CFAP97D2: variants seen among roughly 807,000 people sequenced by gnomAD.
CFAP97D2 encodes CFAP97 domain containing 2.
intron 3 of CFAP97D2, among the ~76,000 whole-genome samples, chr13:114,210,891 C>CACACAT (rs71105250): frequency 6.6e-6 from 1 of 151,028 alleles, no homozygotes; most frequent in Non-Finnish European, 1.5e-5. Flanking sequence ...CACACACACA[C>CACACAT]TTTAATGGCT....
At chr13:114,222,669 C>T (rs9562161), downstream of CFAP97D2, 25,338 of 393,286 alleles carry the variant, frequency 0.064, 2,967 homozygotes, top group East Asian at 0.42. This position sits in a 1 kb window ranked among gnomAD's most constrained non-coding sequence, Gnocchi z 4.4. Context: ...ACACAGCCAG[C>T]GGTCTCAGGG....
chr13:114,183,315 T>A (rs2080843759), intron 1 of CFAP97D2, among the ~76,000 whole-genome samples: 1 of 152,100 alleles, frequency 6.6e-6, no homozygotes, highest in Admixed American at 6.6e-5. Flanking sequence ...TACAGTCGCG[T>A]GCCACCATGC....
At chr13:114,209,873 T>C (rs2080959337) in intron 3 of CFAP97D2, among the ~76,000 whole-genome samples, 1 of 152,228 alleles carries the variant, frequency 6.6e-6, no homozygotes, top group African/African-American at 2.4e-5. Context: ...AGGTACTCAG[T>C]AAATATTTGT....
At chr13:114,197,808 G>A (rs1008216846) in intron 2 of CFAP97D2, among the ~76,000 whole-genome samples, 2 of 144,088 alleles carry the variant, frequency 1.4e-5, no homozygotes, top group Non-Finnish European at 1.5e-5. Flanking sequence ...TCAGCCTGCC[G>A]AGTAGCTGGG....
At chr13:114,195,864 A>G (rs9525192) in intron 1 of CFAP97D2, among the ~76,000 whole-genome samples, 95,130 of 150,274 alleles carry the variant, frequency 0.63, 31,721 homozygotes, top group African/African-American at 0.86. Context: ...AAGGTCAGAA[A>G]ATCGAGACCA....
chr13:114,182,336 G>A (rs1472129237), intron 1 of CFAP97D2, among the ~76,000 whole-genome samples: 1 of 152,180 alleles, frequency 6.6e-6, no homozygotes, highest in African/African-American at 2.4e-5. Context: ...CCATAGGGCT[G>A]TTTTTCTCCT....
chr13:114,196,525 G>GCTAA, intron 2 of CFAP97D2, 49 bp downstream of exon 2: 1 of 398,768 alleles, frequency 2.5e-6, no homozygotes, highest in Non-Finnish European at 4.4e-6. Context: ...ACTAGAAAAT[G>GCTAA]CCAGCTTAAA....
chr13:114,204,204 A>G (rs1349674655), intron 3 of CFAP97D2, among the ~76,000 whole-genome samples: 1 of 152,190 alleles, frequency 6.6e-6, no homozygotes, highest in Non-Finnish European at 1.5e-5. Context: ...TGGGGATTTT[A>G]TAGGGTGGCA....
Position 114,211,259 on chromosome 13 carries a change from C to T in CFAP97D2, c.291-653C>T, listed in dbSNP as rs1184251527. 1.3e-5 allele frequency among the ~76,000 whole-genome samples: 2 copies of T among 152,166 alleles called. No homozygotes were observed. Among genetic ancestry groups the T allele is most frequent in the Non-Finnish European group, 2.9e-5 (2 of 68,012 alleles). ...ATGCAGCCTCCTGAACAGGTTTCACCGGTCCCATCTCACCACTGCAGTGGG... is the reference window on the plus strand; with the variant it reads ...ATGCAGCCTCCTGAACAGGTTTCACTGGTCCCATCTCACCACTGCAGTGGG... On this transcript the variant is annotated intron_variant, in intron 3 of 4. Coordinates refer to ENST00000646158, the Ensembl canonical transcript of CFAP97D2. This position sits in a 1 kb window ranked among gnomAD's most constrained non-coding sequence, Gnocchi z 4.2.
intron 1 of CFAP97D2, among the ~76,000 whole-genome samples, chr13:114,183,655 C>A (rs1485379017): frequency 6.6e-6 from 1 of 152,094 alleles, no homozygotes; most frequent in Non-Finnish European, 1.5e-5. Flanking sequence ...CTTTACATGG[C>A]ATAAGAGATG....
chr13:114,200,723 G>C (rs1283996457), intron 3 of CFAP97D2, among the ~76,000 whole-genome samples: 5 of 152,236 alleles, frequency 3.3e-5, no homozygotes, highest in Non-Finnish European at 7.3e-5. Flanking sequence ...CCTGCTAAGC[G>C]CTTGACTCAG....
At chr13:114,204,181 G>T (rs777948598) in intron 3 of CFAP97D2, among the ~76,000 whole-genome samples, 1 of 152,216 alleles carries the variant, frequency 6.6e-6, no homozygotes, top group African/African-American at 2.4e-5. Context: ...ACTATGAGGA[G>T]ACCAAGGCTT....
rs2080967840 is a variant in CFAP97D2, at chr13:114,211,850, G to C, written c.291-62G>C. 2.5e-6 allele frequency: 1 copy of C among 398,254 alleles called. No individual in the cohort carries two copies. Among genetic ancestry groups the C allele is most frequent in the African/African-American group, 2.1e-5 (1 of 48,656 alleles). 24.7% of individuals were successfully genotyped at this position (398,254 alleles called of 1,614,324 possible). On this transcript the variant is annotated intron_variant, in intron 3 of 4. Coordinates refer to ENST00000646158, the Ensembl canonical transcript of CFAP97D2. This position sits in a 1 kb window ranked among gnomAD's most constrained non-coding sequence, Gnocchi z 4.2. ...TCCTGCTCTGGAGCCTGTTGGCCCT[G>C]TGGAGGGAATGGCAGCCTTAATAAA...
chr13:114,198,237 T>G (rs2080896025), intron 2 of CFAP97D2, among the ~76,000 whole-genome samples: 1 of 152,124 alleles, frequency 6.6e-6, no homozygotes, highest in Non-Finnish European at 1.5e-5. Context: ...TTTACCTCAT[T>G]TGGTGATTGA....
rs1299281854 is a variant in CFAP97D2 at position 114,211,554 on chromosome 13, C to A, written c.291-358C>A. ...CGCCATGGGTGCCCGGGTGCTCGCC[C>A]TCCCTGCCTGGGACCCCACTCTCTC... On this transcript the variant is annotated intron_variant, in intron 3 of 4. Transcript: ENST00000646158. The surrounding 1 kb of genome is among the most constrained non-coding windows in gnomAD (Gnocchi z 4.2). Among the ~76,000 whole-genome samples the A allele has an allele frequency of 6.6e-6, 1 of 150,822 alleles. No homozygotes were observed. Among genetic ancestry groups the A allele is most frequent in the Non-Finnish European group, 1.5e-5 (1 of 67,956 alleles).
intron 1 of CFAP97D2, among the ~76,000 whole-genome samples, chr13:114,193,705 C>G (rs2080876918): frequency 6.6e-6 from 1 of 152,128 alleles, no homozygotes; most frequent in African/African-American, 2.4e-5. Context: ...ACTGTTTGGG[C>G]TGCTATAACA....
intron 1 of CFAP97D2, among the ~76,000 whole-genome samples, chr13:114,195,632 A>G (rs1000461055): frequency 2.0e-5 from 3 of 152,246 alleles, no homozygotes; most frequent in African/African-American, 7.2e-5. Flanking sequence ...TTTTAAATAT[A>G]AATGTTTCCC....
At chr13:114,196,076 C>CAAAAA (rs57315285) in intron 1 of CFAP97D2, among the ~76,000 whole-genome samples, 10 of 100,938 alleles carry the variant, frequency 9.9e-5, no homozygotes, top group Admixed American at 4.3e-4. Context: ...GAGCGAGACT[C>CAAAAA]AAAAAAAAAA....
rs147529472 is a variant in CFAP97D2 at position 114,201,063 on chromosome 13, G to A, written c.290+620G>A. 5.0e-3 allele frequency among the ~76,000 whole-genome samples: 768 copies of A among 152,288 alleles called. 3 individuals carry two copies. Among genetic ancestry groups the A allele is most frequent in the Non-Finnish European group, 5.5e-3 (375 of 68,014 alleles). Reference sequence around the variant, plus strand: ...ACCTCACTTTTCACCCAGAAGTGGAGTTCTGCCCTCTGTGAAAATGAATAT... The same window carrying A: ...ACCTCACTTTTCACCCAGAAGTGGAATTCTGCCCTCTGTGAAAATGAATAT... On this transcript the variant is annotated intron_variant, in intron 3 of 4. Transcript: ENST00000646158.
Sources: allele counts gnomAD v4.1 joint callset (sites outside exome capture counted in the v4.1 genomes callset), GRCh38; gene constraint gnomAD v4.1.1; non-coding constraint Gnocchi (gnomAD v3.1); transcripts MANE v1.5; gene names NCBI Gene and HGNC (gene_info 2026-07-23, HGNC 2026-07-21).